TBC1D30: variants seen among roughly 807,000 people sequenced by gnomAD.
TBC1D30 encodes the protein TBC1 domain family, member 30.
TBC1D30 carries 31 observed loss-of-function variants against 63.2 expected under a neutral mutation model. The ratio of observed to expected loss-of-function variants is 0.49; its 90% CI spans 0.37 to 0.66. TBC1D30 has a LOEUF of 0.66. TBC1D30 is among the 30% of genes least tolerant of loss of function. The pLI is 0.00. For synonymous variants in TBC1D30, 307 were observed against 361.5 expected (o/e 0.85, Z 1.71); for missense variants, 810 against 953.6 (o/e 0.85, Z 1.98).
intron 2 of TBC1D30, among the ~76,000 whole-genome samples, chr12:64,806,225 A>T (rs904915399): frequency 6.6e-6 from 1 of 152,210 alleles, no homozygotes; most frequent in Admixed American, 6.5e-5. Flanking sequence ...CTTGCACTTG[A>T]ATTTCAATCT....
chr12:64,773,069 G>T (rs1372963222), intron 1 of TBC1D30, among the ~76,000 whole-genome samples: 1 of 152,186 alleles, frequency 6.6e-6, no homozygotes, highest in Non-Finnish European at 1.5e-5. Flanking sequence ...TCTGTCTAAG[G>T]TTTGATGGCT....
chr12:64,837,751 A>G (rs773627006), intron 6 of TBC1D30, among the ~76,000 whole-genome samples: 18 of 152,152 alleles, frequency 1.2e-4, no homozygotes, highest in Non-Finnish European at 2.6e-4. Flanking sequence ...TCTGCAGTAT[A>G]ACTGTGTAGA....
intron 2 of TBC1D30, among the ~76,000 whole-genome samples, chr12:64,815,750 A>G (rs1230148266): frequency 6.6e-6 from 1 of 152,162 alleles, no homozygotes; most frequent in African/African-American, 2.4e-5. Context: ...GAACTCTTAA[A>G]CAATGAGAAT....
At chr12:64,808,206 A>G (rs555908889) in intron 2 of TBC1D30, among the ~76,000 whole-genome samples, 6 of 152,068 alleles carry the variant, frequency 3.9e-5, no homozygotes, top group East Asian at 1.9e-4. Flanking sequence ...GCCACATGCT[A>G]TTTCCTCCGC....
At position 64,824,804 on chromosome 12, in the gene TBC1D30, A is replaced by AGCTCAGCC; in HGVS notation, c.-68_-61dup. On this transcript the variant is annotated 5_prime_UTR_variant, in exon 1 of 12. Transcript: ENST00000539867. ...CCGCAGACACTCACCCAGCTCCGCG[A>AGCTCAGCC]GCTCAGCCGCTCAGCGAGTGGGGTA... is the stretch of plus-strand genomic sequence containing the variant. 1 of 1,484,318 alleles carries AGCTCAGCC rather than the reference A, an allele frequency of 6.7e-7. No individual in the cohort carries two copies. Among genetic ancestry groups the AGCTCAGCC allele is most frequent in the Admixed American group, 2.1e-5 (1 of 47,772 alleles). 91.9% of individuals were successfully genotyped at this position (1,484,318 alleles called of 1,614,324 possible). A position where few individuals can be genotyped will look rare whatever the true frequency, so the allele number is the denominator to read the frequency against.
chr12:64,810,590 G>A (rs541417419), intron 2 of TBC1D30, among the ~76,000 whole-genome samples: 5 of 152,156 alleles, frequency 3.3e-5, no homozygotes, highest in African/African-American at 4.8e-5. Context: ...GCAACAGAGC[G>A]AGACTCCGTC....
intron 2 of TBC1D30, among the ~76,000 whole-genome samples, chr12:64,795,377 A>G (rs949780079): frequency 3.9e-5 from 6 of 152,180 alleles, no homozygotes; most frequent in African/African-American, 1.4e-4. Flanking sequence ...ACTCACCCTC[A>G]GCTGGTTGTC....
chr12:64,860,973 G>A (rs781303750), intron 8 of TBC1D30, among the ~76,000 whole-genome samples: 2 of 152,154 alleles, frequency 1.3e-5, no homozygotes, highest in Non-Finnish European at 2.9e-5. Context: ...CAGTTTAAAC[G>A]TTGCCAGAAG....
At chr12:64,781,609 A>C (rs772048256) in intron 1 of TBC1D30, among the ~76,000 whole-genome samples, 1 of 151,918 alleles carries the variant, frequency 6.6e-6, no homozygotes, top group Non-Finnish European at 1.5e-5. Context: ...CTGTTAGGAC[A>C]GGGTTGGAGG....
chr12:64,842,550 A>C (rs908529618), intron 7 of TBC1D30, among the ~76,000 whole-genome samples: 4 of 152,192 alleles, frequency 2.6e-5, no homozygotes, highest in Admixed American at 6.5e-5. Context: ...TCCAACTAGC[A>C]GCAGCACCCT....
intron 2 of TBC1D30, among the ~76,000 whole-genome samples, chr12:64,809,815 T>A (rs1232336888): frequency 6.6e-6 from 1 of 152,242 alleles, no homozygotes; most frequent in Non-Finnish European, 1.5e-5. Context: ...TAATTAATCA[T>A]GGATCAAAAG....
chr12:64,794,447 T>C (rs1872128739), intron 2 of TBC1D30, among the ~76,000 whole-genome samples: 1 of 148,712 alleles, frequency 6.7e-6, no homozygotes, highest in African/African-American at 2.5e-5. Flanking sequence ...ATGTTCTTTC[T>C]TTTTTTTTTG....
At chr12:64,857,340 G>T (rs1036344696) in intron 8 of TBC1D30, among the ~76,000 whole-genome samples, 1 of 152,100 alleles carries the variant, frequency 6.6e-6, no homozygotes, top group African/African-American at 2.4e-5. Context: ...TCCCTTTAAG[G>T]CAGGGGTTCT....
At position 64,870,608 on chromosome 12, in the gene TBC1D30, A is replaced by C. The variant is rs1249027646; in HGVS notation, c.1298A>C (p.Asn433Thr). ...QKYQKQIKEP[N>T]EEQSLRSNNI... ...TCTCATCCTTCGAGCGCAGAGCCAA[A>C]TGAGGAGCAGAGTCTGAGATCTAAT... Residue 433 changes from asparagine to threonine, a missense_variant, in exon 11 of 12, where the codon AAT becomes ACT. This residue lies in a region of TBC1D30 where 450 missense variants were observed against 473.0 expected (regional missense o/e 0.95). Transcript: ENST00000539867. The C allele has an allele frequency of 6.5e-7, 1 of 1,536,196 alleles. No individual in the cohort carries two copies. Among genetic ancestry groups the C allele is most frequent in the Admixed American group, 2.0e-5 (1 of 50,992 alleles).
chr12:64,801,608 G>A (rs1418013032), intron 2 of TBC1D30, among the ~76,000 whole-genome samples: 2 of 152,130 alleles, frequency 1.3e-5, no homozygotes, highest in Non-Finnish European at 2.9e-5. Context: ...TTGAACACAG[G>A]GCACTAGTGT....
chr12:64,852,442 C>G (rs1424109113), intron 8 of TBC1D30, among the ~76,000 whole-genome samples: 1 of 152,078 alleles, frequency 6.6e-6, no homozygotes, highest in Non-Finnish European at 1.5e-5. Flanking sequence ...GGTTCTTTAG[C>G]TCAGAGGAGT....
chr12:64,872,259 C>T (rs1027087688), intron 11 of TBC1D30, among the ~76,000 whole-genome samples: 3 of 152,146 alleles, frequency 2.0e-5, no homozygotes, highest in Non-Finnish European at 1.5e-5. Flanking sequence ...AACTTCTGAC[C>T]TCAGGTGATC....
chr12:64,767,799 G>A (rs1263928307), intron 1 of TBC1D30, among the ~76,000 whole-genome samples: 2 of 25,324 alleles, frequency 7.9e-5, no homozygotes, highest in East Asian at 6.8e-3. Flanking sequence ...GGGGGGGGGG[G>A]GAGGGGGGGG....
At chr12:64,821,063 A>G (rs1277604588), upstream of TBC1D30, among the ~76,000 whole-genome samples, 1 of 152,264 alleles carries the variant, frequency 6.6e-6, no homozygotes, top group African/African-American at 2.4e-5. Flanking sequence ...CTAGTAAAGA[A>G]AAGTATTACA....
Sources: allele counts gnomAD v4.1 joint callset (sites outside exome capture counted in the v4.1 genomes callset), GRCh38; gene constraint gnomAD v4.1.1; regional missense constraint gnomAD v4.1.1; transcripts MANE v1.5; gene names NCBI Gene and HGNC (gene_info 2026-07-23, HGNC 2026-07-21).